MYRFL: variants seen among roughly 807,000 people sequenced by gnomAD.
MYRFL encodes myelin regulatory factor-like protein.
MYRFL carries 88 observed loss-of-function variants against 109.4 expected under a neutral mutation model. The observed-to-expected ratio is 0.80, with a 90% CI of 0.68 to 0.96. The LOEUF (loss-of-function observed/expected upper bound fraction) is 0.96. Ranked by LOEUF, MYRFL falls within the 40% of genes least tolerant of loss-of-function variation. MYRFL has a pLI of 0.00. For synonymous variants in MYRFL, 324 were observed against 320.9 expected (o/e 1.01, Z -0.10); for missense variants, 957 against 954.9 (o/e 1.00, Z -0.03).
chr12:69,891,561 A>ATTTCTTTCTGTCTTTC (rs1886807123), intron 7 of MYRFL, among the ~76,000 whole-genome samples: 1 of 113,998 alleles, frequency 8.8e-6, no homozygotes. Context: ...AAAGGTGTCA[A>ATTTCTTTCTGTCTTTC]TTTCTTTCTT....
At chr12:69,934,281 G>A (rs1205052612) in intron 16 of MYRFL, among the ~76,000 whole-genome samples, 1 of 152,218 alleles carries the variant, frequency 6.6e-6, no homozygotes, top group Non-Finnish European at 1.5e-5. Context: ...GCCACTCCAG[G>A]TGCTGATACA....
intron 10 of MYRFL, among the ~76,000 whole-genome samples, chr12:69,898,278 A>G (rs149035983): frequency 8.5e-5 from 13 of 152,344 alleles, no homozygotes; most frequent in Non-Finnish European, 1.5e-4. Flanking sequence ...TAAGCCTCCT[A>G]TTAGTGGAAA....
intron 9 of MYRFL, among the ~76,000 whole-genome samples, chr12:69,896,264 T>C (rs989170286): frequency 5.3e-5 from 8 of 152,226 alleles, no homozygotes; most frequent in African/African-American, 1.7e-4. Flanking sequence ...AGTAGACTAA[T>C]GTAGGTAAAC....
At chr12:69,840,612 A>G (rs1883191207) in intron 1 of MYRFL, among the ~76,000 whole-genome samples, 1 of 152,224 alleles carries the variant, frequency 6.6e-6, no homozygotes, top group Admixed American at 6.5e-5. Flanking sequence ...TACATATGCA[A>G]TAATTTTGAA....
chr12:69,841,183 A>C (rs1216894687), intron 1 of MYRFL, among the ~76,000 whole-genome samples: 1 of 152,156 alleles, frequency 6.6e-6, no homozygotes, highest in African/African-American at 2.4e-5. Context: ...TCTATCTCCA[A>C]GAGTACAGAA....
chr12:69,936,029 G>A, intron 16 of MYRFL, 84 bp from the exon 17 acceptor site: 1 of 1,456,126 alleles, frequency 6.9e-7, no homozygotes, highest in Non-Finnish European at 9.1e-7. Flanking sequence ...GTACATCTCT[G>A]GCCAGCTGGA....
At chr12:69,912,700 A>G (rs1404029080) in intron 13 of MYRFL, among the ~76,000 whole-genome samples, 1 of 152,122 alleles carries the variant, frequency 6.6e-6, no homozygotes, top group Non-Finnish European at 1.5e-5. Flanking sequence ...ATCCATTCCT[A>G]TGTTGATGAA....
chr12:69,955,433 ATAAAG>A lies in MYRFL; in HGVS notation c.2450_2450+4del. On this transcript the variant is annotated splice_donor_variant and coding_sequence_variant, in exon 22 of 25. Transcript: ENST00000552032. LOFTEE classifies it high-confidence loss of function. ...CACCAATGTCAAGTTCTCTCTGGAA[ATAAAG>A]TAAGTGCATGGCTGTAAAAAACAAT... 1.6e-6 allele frequency: 1 copy of A among 638,764 alleles called. No individual in the cohort carries two copies. The highest frequency in any genetic ancestry group is 2.6e-5 in the Admixed American group (1 of 38,128). 39.6% of individuals were successfully genotyped at this position (638,764 alleles called of 1,614,324 possible).
intron 22 of MYRFL, among the ~76,000 whole-genome samples, chr12:69,957,303 A>T (rs1320423463): frequency 6.6e-6 from 1 of 152,218 alleles, no homozygotes; most frequent in Non-Finnish European, 1.5e-5. Context: ...TGCAAAATCA[A>T]AAATCCTGAA....
At chr12:69,851,494 T>C (rs996724311) in intron 1 of MYRFL, among the ~76,000 whole-genome samples, 3 of 152,188 alleles carry the variant, frequency 2.0e-5, no homozygotes, top group African/African-American at 7.2e-5. Context: ...AAACAGTATG[T>C]ATGCAAAATC....
intron 10 of MYRFL, among the ~76,000 whole-genome samples, chr12:69,899,246 A>G (rs2136343466): frequency 6.6e-6 from 1 of 152,328 alleles, no homozygotes; most frequent in African/African-American, 2.4e-5. Flanking sequence ...TCTTATTATT[A>G]TTTCATTCAA....
intron 15 of MYRFL, among the ~76,000 whole-genome samples, chr12:69,931,093 G>T (rs1243164743): frequency 6.6e-6 from 1 of 152,100 alleles, no homozygotes; most frequent in Non-Finnish European, 1.5e-5. Context: ...ATAACATTTA[G>T]ATAACTTGAA....
chr12:69,907,130 T>C (rs1954389324), intron 11 of MYRFL, among the ~76,000 whole-genome samples: 1 of 152,134 alleles, frequency 6.6e-6, no homozygotes, highest in African/African-American at 2.4e-5. Context: ...AGTGTACACA[T>C]AGGGATCATG....
At chr12:69,855,538 T>C (rs971636494) in intron 2 of MYRFL, among the ~76,000 whole-genome samples, 168 bp downstream of exon 2, 4 of 152,236 alleles carry the variant, frequency 2.6e-5, no homozygotes, top group Non-Finnish European at 4.4e-5. Context: ...GAATTTTCTT[T>C]GTGAGAAATT....
At chr12:69,929,477 G>T (rs921932756) in intron 15 of MYRFL, among the ~76,000 whole-genome samples, 10 of 152,200 alleles carry the variant, frequency 6.6e-5, no homozygotes, top group African/African-American at 2.4e-4. Flanking sequence ...AGACATCAAT[G>T]AAATTGAAGG....
intron 16 of MYRFL, among the ~76,000 whole-genome samples, chr12:69,935,198 T>G (rs201886515): frequency 6.2e-4 from 94 of 152,100 alleles, no homozygotes; most frequent in African/African-American, 1.1e-3. Flanking sequence ...CAGTTTTTTT[T>G]TGTGTATCCT....
At chr12:69,865,712 G>T (rs1483273082) in intron 2 of MYRFL, among the ~76,000 whole-genome samples, 1 of 152,024 alleles carries the variant, frequency 6.6e-6, no homozygotes, top group Non-Finnish European at 1.5e-5. Flanking sequence ...TTATATTTTA[G>T]TCTCCGTGAT....
intron 2 of MYRFL, among the ~76,000 whole-genome samples, chr12:69,868,423 T>G (rs1565982348): frequency 1.3e-5 from 2 of 152,138 alleles, no homozygotes; most frequent in African/African-American, 4.8e-5. Flanking sequence ...AAACCTCAGT[T>G]TCATTGCCTG....
Position 69,933,227 on chromosome 12 carries a change from C to G in MYRFL, c.1916+629C>G, listed in dbSNP as rs115833934. ...TGCAGCCCGCAAAGGCGGGAGGCAG[C>G]CTTTGCTAGAATGCAGGGCCCTTTC... On this transcript the variant is annotated intron_variant, in intron 16 of 24. Coordinates refer to ENST00000552032, the MANE Select transcript of MYRFL (RefSeq NM_182530.3). Among the ~76,000 whole-genome samples the G allele has an allele frequency of 5.2e-3, 783 of 152,006 alleles. 8 individuals carry two copies. Among genetic ancestry groups the G allele is most frequent in the African/African-American group, 0.018 (748 of 41,280 alleles).
Sources: allele counts gnomAD v4.1 joint callset (sites outside exome capture counted in the v4.1 genomes callset), GRCh38; gene constraint gnomAD v4.1.1; transcripts MANE v1.5; gene names NCBI Gene and HGNC (gene_info 2026-07-23, HGNC 2026-07-21).